The following SMAP1 variants were observed in gnomAD, a reference collection of about 807,000 sequenced individuals.
SMAP1 encodes small ArfGAP 1, also known as stromal membrane-associated protein 1.
Under a neutral mutation model 58.5 loss-of-function variants are expected in SMAP1, and 24 were observed. The ratio of observed to expected loss-of-function variants is 0.41; its 90% CI spans 0.30 to 0.58. The LOEUF is 0.58. SMAP1 is among the 20% of genes least tolerant of loss of function. The pLI, the probability that SMAP1 is intolerant of heterozygous loss-of-function variation, is 0.29. For missense variants in SMAP1, 563 were observed against 566.3 expected, an observed-to-expected ratio of 0.99 and a Z score of 0.06; for synonymous variants, 216 against 196.6, an observed-to-expected ratio of 1.10 and a Z score of -0.82.
chr6:70,760,268 C>A (rs1405725600), intron 3 of SMAP1, among the ~76,000 whole-genome samples: 3 of 152,032 alleles, frequency 2.0e-5, no homozygotes, highest in African/African-American at 7.2e-5. Flanking sequence ...GCTGTTGTTA[C>A]CTCAGTCATT....
chr6:70,816,470 AG>A (rs939744430), intron 6 of SMAP1, among the ~76,000 whole-genome samples: 1 of 152,168 alleles, frequency 6.6e-6, no homozygotes, highest in African/African-American at 2.4e-5. Flanking sequence ...CTTGATGTAC[AG>A]TCCTATTTAT....
chr6:70,779,440 T>C (rs1004996746), intron 4 of SMAP1, among the ~76,000 whole-genome samples: 8 of 152,136 alleles, frequency 5.3e-5, no homozygotes, highest in South Asian at 4.1e-4. Flanking sequence ...CTCTCTGAGA[T>C]AGTTTAGTTG....
chr6:70,837,178 C>T (rs1770624719), intron 7 of SMAP1, 150 bp downstream of exon 7: 1 of 515,324 alleles, frequency 1.9e-6, no homozygotes, highest in Admixed American at 4.0e-5. Flanking sequence ...TAACTTCCCA[C>T]AAAAAAGAAA....
In SMAP1 at chr6:70,677,619, C is replaced by T. The variant is rs189351394; in HGVS notation, c.118+9478C>T. On this transcript the variant is annotated intron_variant, in intron 1 of 10. Transcript: ENST00000370455. Reference sequence around the variant, plus strand: ...ATTTTTAGTAGAGACGGGGTTTCGCCGCATACCTTGTGACTTCTATGTCAG... The same window carrying T: ...ATTTTTAGTAGAGACGGGGTTTCGCTGCATACCTTGTGACTTCTATGTCAG... Among the ~76,000 whole-genome samples the T allele has an allele frequency of 1.6e-3, 239 of 150,606 alleles. 1 individual carries two copies. The highest frequency in any genetic ancestry group is 5.6e-3 in the African/African-American group (230 of 41,028).
intron 6 of SMAP1, among the ~76,000 whole-genome samples, chr6:70,831,375 A>G (rs1197641737): frequency 1.3e-5 from 2 of 152,152 alleles, no homozygotes; most frequent in African/African-American, 4.8e-5. Flanking sequence ...CATCCAAGTC[A>G]TAAGCATAAT....
At chr6:70,796,229 A>G (rs1768602292) in intron 5 of SMAP1, among the ~76,000 whole-genome samples, 1 of 152,258 alleles carries the variant, frequency 6.6e-6, no homozygotes, top group Non-Finnish European at 1.5e-5. Flanking sequence ...TGCCTGGCAC[A>G]TAGTAACGGT....
intron 1 of SMAP1, among the ~76,000 whole-genome samples, chr6:70,716,179 A>G (rs1768260768): frequency 6.6e-6 from 1 of 152,148 alleles, no homozygotes; most frequent in East Asian, 1.9e-4. Context: ...GCTGCTGTAA[A>G]CATGCATGTA....
chr6:70,815,643 A>G (rs1769588072), intron 6 of SMAP1, among the ~76,000 whole-genome samples: 1 of 152,108 alleles, frequency 6.6e-6, no homozygotes, highest in South Asian at 2.1e-4. Context: ...CCCACTGTTG[A>G]TAGTGGAATG....
chr6:70,820,511 A>G (rs971110098), intron 6 of SMAP1, among the ~76,000 whole-genome samples: 1 of 152,084 alleles, frequency 6.6e-6, no homozygotes, highest in African/African-American at 2.4e-5. Context: ...GGAGATCGAG[A>G]CCATCCTGGC....
intron 4 of SMAP1, among the ~76,000 whole-genome samples, chr6:70,783,776 A>G (rs147872636): frequency 0.023 from 3,572 of 152,268 alleles, 52 homozygotes; most frequent in Non-Finnish European, 0.037. Flanking sequence ...GAAACGAACA[A>G]AGTCTCCAAG....
intron 1 of SMAP1, among the ~76,000 whole-genome samples, chr6:70,680,861 G>A (rs1766678524): frequency 6.6e-6 from 1 of 151,710 alleles, no homozygotes; most frequent in African/African-American, 2.4e-5. Flanking sequence ...TGGGATTACA[G>A]GCACGTGCCA....
At chr6:70,681,696 A>C (rs1766716440) in intron 1 of SMAP1, among the ~76,000 whole-genome samples, 1 of 152,208 alleles carries the variant, frequency 6.6e-6, no homozygotes, top group African/African-American at 2.4e-5. Context: ...TGTGTGTGCC[A>C]AGTCAATTAG....
intron 1 of SMAP1, 102 bp downstream of exon 1, chr6:70,668,243 T>C: frequency 9.0e-7 from 1 of 1,107,186 alleles, no homozygotes; most frequent in Non-Finnish European, 1.3e-6. Context: ...TCGGCTTCGC[T>C]GGCCGGCTCC....
chr6:70,682,170 ATTTTTTTTTTTTTTTT>A (rs66981900), intron 1 of SMAP1, among the ~76,000 whole-genome samples: 29,530 of 95,954 alleles, frequency 0.31, 4,627 homozygotes, highest in Non-Finnish European at 0.39. Flanking sequence ...CTCTGCACAG[ATTTTTTTTTTTTTTTT>A]TTTTTTTTTT....
chr6:70,674,936 C>G (rs1216828241), intron 1 of SMAP1, among the ~76,000 whole-genome samples: 2 of 152,182 alleles, frequency 1.3e-5, no homozygotes, highest in African/African-American at 4.8e-5. Context: ...GATGGCGCCA[C>G]TGCACTCCAT....
chr6:70,746,096 T>C (rs1488099842), intron 2 of SMAP1, among the ~76,000 whole-genome samples: 1 of 152,208 alleles, frequency 6.6e-6, no homozygotes, highest in Non-Finnish European at 1.5e-5. Context: ...GTTTTCTAAA[T>C]ATACAATCAT....
intron 1 of SMAP1, among the ~76,000 whole-genome samples, chr6:70,685,067 A>G (rs748492688): frequency 7.9e-5 from 12 of 152,154 alleles, no homozygotes; most frequent in Non-Finnish European, 1.5e-4. Context: ...CTTGTGAAGT[A>G]ATGTCTGGCA....
At position 70,798,746 on chromosome 6, in the gene SMAP1, C is replaced by T; in HGVS notation, c.576+9C>T. Reference sequence around the variant, plus strand: ...CACTTACAGCTGAAAAGGTAAAATTCTTTTTTTAAAAATAATCTATTAGGA... The same window carrying T: ...CACTTACAGCTGAAAAGGTAAAATTTTTTTTTTAAAAATAATCTATTAGGA... On this transcript the variant is annotated intron_variant, in intron 6 of 10. Coordinates refer to ENST00000370455, the MANE Select transcript of SMAP1 (RefSeq NM_001044305.3). 6.5e-7 allele frequency: 1 copy of T among 1,538,252 alleles called. No individual in the cohort carries two copies. The highest frequency in any genetic ancestry group is 8.7e-7 in the Non-Finnish European group (1 of 1,143,904).
At chr6:70,835,921 A>G (rs950633637) in intron 6 of SMAP1, among the ~76,000 whole-genome samples, 1 of 152,220 alleles carries the variant, frequency 6.6e-6, no homozygotes, top group Non-Finnish European at 1.5e-5. Flanking sequence ...TAAGTTTGGA[A>G]TGTGTAACTA....
Sources: allele counts gnomAD v4.1 joint callset (sites outside exome capture counted in the v4.1 genomes callset), GRCh38; gene constraint gnomAD v4.1.1; transcripts MANE v1.5; gene names NCBI Gene and HGNC (gene_info 2026-07-23, HGNC 2026-07-21).